The following SH3RF1 variants were observed in gnomAD, a reference collection of about 807,000 sequenced individuals.
The protein encoded by SH3RF1 is E3 ubiquitin-protein ligase SH3RF1.
A neutral mutation model predicts 74.0 loss-of-function variants in SH3RF1; 32 were observed. That is an observed-to-expected ratio of 0.43 (90% CI 0.33 to 0.58). SH3RF1 has a LOEUF of 0.58. SH3RF1 is among the 20% of genes least tolerant of loss of function. SH3RF1 has a pLI of 0.05. For synonymous variants in SH3RF1, 396 were observed against 439.6 expected (o/e 0.90, Z 1.24); for missense variants, 954 against 1,130.9 (o/e 0.84, Z 2.24).
intron 2 of SH3RF1, among the ~76,000 whole-genome samples, chr4:169,266,572 A>G (rs1191424271): frequency 2.9e-5 from 4 of 139,800 alleles, no homozygotes; most frequent in African/African-American, 1.1e-4. Flanking sequence ...TGAAAGCAAA[A>G]GGTACTAGTA....
intron 2 of SH3RF1, among the ~76,000 whole-genome samples, chr4:169,170,320 A>G (rs1221131680): frequency 6.6e-6 from 1 of 152,174 alleles, no homozygotes; most frequent in African/African-American, 2.4e-5. Context: ...ATCAAGCAAG[A>G]GCCCATGCGT....
intron 2 of SH3RF1, among the ~76,000 whole-genome samples, chr4:169,169,089 T>C (rs1158259638): frequency 6.6e-6 from 1 of 152,168 alleles, no homozygotes; most frequent in Non-Finnish European, 1.5e-5. Flanking sequence ...TTGAGAGTAA[T>C]ACATAATATG....
intron 2 of SH3RF1, among the ~76,000 whole-genome samples, chr4:169,245,721 G>A (rs1000799610): frequency 1.3e-5 from 2 of 152,158 alleles, no homozygotes; most frequent in Admixed American, 6.5e-5. Flanking sequence ...TCCGTATGGC[G>A]GTGGTAGGTC....
intron 4 of SH3RF1, among the ~76,000 whole-genome samples, chr4:169,141,924 G>A (rs533914461): frequency 1.8e-4 from 27 of 150,430 alleles, no homozygotes; most frequent in African/African-American, 6.1e-4. Flanking sequence ...GTCATTCTCC[G>A]GCCTCAGCCT....
intron 8 of SH3RF1, among the ~76,000 whole-genome samples, chr4:169,120,142 G>A (rs906396386): frequency 2.0e-5 from 3 of 152,116 alleles, no homozygotes; most frequent in South Asian, 2.1e-4. Context: ...ACCTCTAGTC[G>A]TGACAATCAA....
intron 2 of SH3RF1, among the ~76,000 whole-genome samples, chr4:169,250,944 A>T (rs948984660): frequency 7.2e-5 from 11 of 152,168 alleles, no homozygotes; most frequent in Non-Finnish European, 1.2e-4. Context: ...CAGGGCAAAG[A>T]CTAAGTGCAA....
intron 2 of SH3RF1, among the ~76,000 whole-genome samples, chr4:169,167,864 C>T (rs1358755210): frequency 1.3e-5 from 2 of 152,016 alleles, no homozygotes; most frequent in Non-Finnish European, 2.9e-5. Context: ...ACAAATTTTA[C>T]CTCAATACCA....
At chr4:169,104,075 C>CT (rs1279561090) in intron 11 of SH3RF1, among the ~76,000 whole-genome samples, 1 of 152,146 alleles carries the variant, frequency 6.6e-6, no homozygotes, top group East Asian at 1.9e-4. Context: ...AGGAGCCCCT[C>CT]TAAGAGGAAG....
At chr4:169,122,411 GCTAA>G (rs1561029560) in intron 6 of SH3RF1, 145 bp from the exon 7 acceptor site, 4 of 915,532 alleles carry the variant, frequency 4.4e-6, no homozygotes, top group African/African-American at 1.7e-5. Flanking sequence ...GAATCAGCAG[GCTAA>G]CTGATATGAA....
chr4:169,209,458 C>T (rs1730322334), intron 2 of SH3RF1, among the ~76,000 whole-genome samples: 1 of 152,160 alleles, frequency 6.6e-6, no homozygotes, highest in Non-Finnish European at 1.5e-5. Flanking sequence ...CCTCATCCTA[C>T]AGCACCTATC....
chr4:169,194,681 A>T (rs1219552882), intron 2 of SH3RF1, among the ~76,000 whole-genome samples: 1 of 152,112 alleles, frequency 6.6e-6, no homozygotes, highest in African/African-American at 2.4e-5. Flanking sequence ...AATGTTCTTG[A>T]ATGTGTCTGT....
chr4:169,242,828 C>T (rs1292541679), intron 2 of SH3RF1, among the ~76,000 whole-genome samples: 1 of 152,218 alleles, frequency 6.6e-6, no homozygotes, highest in African/African-American at 2.4e-5. Flanking sequence ...AAGCCCTTGC[C>T]AGATCTGGCC....
At chr4:169,240,121 T>C (rs1730882786) in intron 2 of SH3RF1, among the ~76,000 whole-genome samples, 2 of 152,180 alleles carry the variant, frequency 1.3e-5, no homozygotes, top group African/African-American at 4.8e-5. Flanking sequence ...CCAAGGTATT[T>C]CTTAAAATAA....
chr4:169,264,423 C>T (rs895347236), intron 2 of SH3RF1, among the ~76,000 whole-genome samples: 1 of 152,282 alleles, frequency 6.6e-6, no homozygotes, highest in South Asian at 2.1e-4. Context: ...TTGTGAGGTA[C>T]TAGGAGTTAG....
chr4:169,236,638 T>C (rs538694730), intron 2 of SH3RF1, among the ~76,000 whole-genome samples: 2 of 152,266 alleles, frequency 1.3e-5, no homozygotes, highest in Admixed American at 6.5e-5. Flanking sequence ...TTAATATACA[T>C]AAAGTACCTA....
chr4:169,155,371 T>C, intron 4 of SH3RF1, 109 bp downstream of exon 4: 1 of 751,446 alleles, frequency 1.3e-6, no homozygotes, highest in Non-Finnish European at 2.3e-6. Flanking sequence ...TAACAGGGCA[T>C]TCCTGGTGCT....
intron 4 of SH3RF1, among the ~76,000 whole-genome samples, chr4:169,143,333 G>C (rs879349624): frequency 4.6e-5 from 7 of 152,100 alleles, no homozygotes; most frequent in East Asian, 1.9e-4. Context: ...ACTGAGATGG[G>C]TACATTCTTT....
intron 2 of SH3RF1, among the ~76,000 whole-genome samples, chr4:169,187,973 A>G (rs1278338312): frequency 1.3e-5 from 2 of 152,208 alleles, no homozygotes; most frequent in African/African-American, 4.8e-5. Context: ...GAGACATCAG[A>G]GTGAAGAAGG....
intron 2 of SH3RF1, among the ~76,000 whole-genome samples, chr4:169,202,578 T>C (rs1283961173): frequency 1.3e-5 from 2 of 152,222 alleles, no homozygotes; most frequent in African/African-American, 4.8e-5. Flanking sequence ...AATAACACAG[T>C]GACAATTGTC....
Sources: gnomAD v4.1 joint callset for allele counts (sites outside exome capture counted in the v4.1 genomes callset) on GRCh38, gnomAD v4.1.1 for gene constraint, MANE v1.5 for transcripts, NCBI Gene and HGNC (gene_info 2026-07-23, HGNC 2026-07-21) for gene names.